Variants in SLC35F4 observed in about 807,000 individuals in gnomAD.
SLC35F4 encodes the protein chromosome 14 open reading frame 36.
In SLC35F4, 24 loss-of-function variants were observed where a neutral mutation model predicts 44.2. The observed-to-expected ratio is 0.54, with a 90% CI of 0.39 to 0.76. The LOEUF (loss-of-function observed/expected upper bound fraction) is 0.76. SLC35F4 is among the 30% of genes least tolerant of loss of function. SLC35F4 has a pLI of 0.00. For missense variants in SLC35F4, 562 were observed against 586.1 expected (o/e 0.96, Z 0.42); for synonymous variants, 238 against 223.6 (o/e 1.06, Z -0.57).
Position 57,861,964 on chromosome 14 carries a change from C to T in SLC35F4, c.103+3759G>A, listed in dbSNP as rs146978806. On this transcript the variant is annotated intron_variant, in intron 1 of 7. Transcript: ENST00000556826. ...AATACCACCCAAGTACTGGCAAATC[C>T]TTAATTTATATCTCCAATCAGACAT... Among the ~76,000 whole-genome samples, 252 of 152,262 alleles carry T rather than the reference C, an allele frequency of 1.7e-3. 1 individual carries two copies. Among genetic ancestry groups the T allele is most frequent in the African/African-American group, 5.8e-3 (242 of 41,556 alleles).
intron 1 of SLC35F4, among the ~76,000 whole-genome samples, chr14:57,964,989 AAAATAT>A (rs1465547473): frequency 5.5e-5 from 7 of 127,916 alleles, no homozygotes; most frequent in Non-Finnish European, 9.6e-5. Flanking sequence ...AAAAAAAAAA[AAAATAT>A]ATATATATAT....
intron 1 of SLC35F4, among the ~76,000 whole-genome samples, chr14:57,825,453 C>T (rs1783277436): frequency 1.3e-5 from 2 of 152,100 alleles, no homozygotes; most frequent in South Asian, 4.1e-4. Flanking sequence ...GATCTCTAGG[C>T]AACCATCACA....
chr14:57,782,056 AC>A (rs1332676152), intron 1 of SLC35F4, among the ~76,000 whole-genome samples: 2 of 152,218 alleles, frequency 1.3e-5, no homozygotes, highest in African/African-American at 4.8e-5. Flanking sequence ...GTACCCCTGA[AC>A]CTAAAAGTTT....
intron 1 of SLC35F4, among the ~76,000 whole-genome samples, chr14:57,711,431 G>T (rs1323035623): frequency 6.6e-6 from 1 of 151,992 alleles, no homozygotes; most frequent in Non-Finnish European, 1.5e-5. Flanking sequence ...AGGTTTAGAA[G>T]TAAAAAAAAG....
At chr14:57,649,643 C>T (rs2073695466) in intron 1 of SLC35F4, among the ~76,000 whole-genome samples, 1 of 152,142 alleles carries the variant, frequency 6.6e-6, no homozygotes, top group Non-Finnish European at 1.5e-5. Context: ...CATTATTCTG[C>T]CAACCACAGC....
At chr14:57,942,529 T>C (rs943347672) in intron 1 of SLC35F4, among the ~76,000 whole-genome samples, 2 of 152,324 alleles carry the variant, frequency 1.3e-5, no homozygotes, top group East Asian at 1.9e-4. Flanking sequence ...AAGCCAAATA[T>C]GGAATGAAGA....
At chr14:57,581,110 A>G (rs1435184617) in intron 4 of SLC35F4, 104 bp downstream of exon 4, 8 of 1,241,446 alleles carry the variant, frequency 6.4e-6, no homozygotes, top group Non-Finnish European at 8.6e-6. Flanking sequence ...AACAAGTGAG[A>G]AAAGTTTTAC....
chr14:57,703,550 C>A (rs759534843), intron 1 of SLC35F4, among the ~76,000 whole-genome samples: 1 of 152,148 alleles, frequency 6.6e-6, no homozygotes, highest in Non-Finnish European at 1.5e-5. Context: ...AGAGGTGAAC[C>A]TTTATGAACA....
chr14:57,646,468 T>C (rs1286760168), intron 1 of SLC35F4, among the ~76,000 whole-genome samples: 1 of 152,242 alleles, frequency 6.6e-6, no homozygotes, highest in Non-Finnish European at 1.5e-5. Context: ...TCGGTGGTGA[T>C]ATCCCCTTTG....
At chr14:57,569,702 C>A in intron 6 of SLC35F4, 86 bp downstream of exon 6, 2 of 1,355,800 alleles carry the variant, frequency 1.5e-6, no homozygotes, top group Non-Finnish European at 1.9e-6. Context: ...ACAGAGTTAC[C>A]CAAGGAAATA....
intron 1 of SLC35F4, among the ~76,000 whole-genome samples, chr14:57,710,135 T>A (rs1223567316): frequency 6.6e-6 from 1 of 152,208 alleles, no homozygotes; most frequent in Non-Finnish European, 1.5e-5. Context: ...TCCTGCTCTG[T>A]GCAGTCTCAA....
At chr14:57,661,322 G>T (rs1182245350) in intron 1 of SLC35F4, among the ~76,000 whole-genome samples, 2 of 152,228 alleles carry the variant, frequency 1.3e-5, no homozygotes, top group African/African-American at 4.8e-5. Context: ...TATTGCTAAG[G>T]GTCTCATTAC....
intron 1 of SLC35F4, among the ~76,000 whole-genome samples, chr14:57,688,334 GT>G (rs1216932198): frequency 2.6e-5 from 4 of 152,152 alleles, no homozygotes; most frequent in African/African-American, 9.7e-5. Context: ...GATAAATTAG[GT>G]TTGATTGCAG....
chr14:57,957,546 A>G (rs1435974134), intron 1 of SLC35F4, among the ~76,000 whole-genome samples: 1 of 152,222 alleles, frequency 6.6e-6, no homozygotes, highest in East Asian at 1.9e-4. Context: ...TTTCTCAGTC[A>G]TTTGTAGACA....
intron 1 of SLC35F4, among the ~76,000 whole-genome samples, chr14:57,611,234 T>C (rs1452343461): frequency 6.6e-6 from 1 of 152,022 alleles, no homozygotes; most frequent in African/African-American, 2.4e-5. Flanking sequence ...GGAAATAAAG[T>C]TTAAAAGGAG....
intron 1 of SLC35F4, among the ~76,000 whole-genome samples, chr14:57,688,104 C>T (rs973609100): frequency 6.6e-6 from 1 of 151,880 alleles, no homozygotes; most frequent in Non-Finnish European, 1.5e-5. Flanking sequence ...GGAGTAAAGC[C>T]CATTCTTTGG....
chr14:57,643,044 T>C (rs2073321274), intron 1 of SLC35F4, among the ~76,000 whole-genome samples: 2 of 147,364 alleles, frequency 1.4e-5, no homozygotes, highest in African/African-American at 4.9e-5. Flanking sequence ...TCCATATTAA[T>C]ATAAATCAGA....
intron 1 of SLC35F4, among the ~76,000 whole-genome samples, chr14:57,738,011 A>G (rs1594923883): frequency 2.6e-5 from 4 of 152,364 alleles, no homozygotes; most frequent in Admixed American, 2.6e-4. Flanking sequence ...ACTTGGAGCA[A>G]GAAAAAACAT....
chr14:57,833,221 A>G (rs1288981001), intron 1 of SLC35F4, among the ~76,000 whole-genome samples: 1 of 152,152 alleles, frequency 6.6e-6, no homozygotes, highest in Non-Finnish European at 1.5e-5. Flanking sequence ...CAGAATTCTC[A>G]TATTCTTTCA....
Sources: allele counts gnomAD v4.1 joint callset (sites outside exome capture counted in the v4.1 genomes callset), GRCh38; gene constraint gnomAD v4.1.1; transcripts MANE v1.5; gene names NCBI Gene and HGNC (gene_info 2026-07-23, HGNC 2026-07-21).